Variants in HLA-DQA1 observed in about 807,000 individuals in gnomAD.
The protein encoded by HLA-DQA1 is major histocompatibility complex, class II, DQ alpha 1.
In HLA-DQA1, 10 loss-of-function variants were observed where a neutral mutation model predicts 20.7. The observed-to-expected ratio is 0.48, with a 90% CI of 0.30 to 0.82. The LOEUF (loss-of-function observed/expected upper bound fraction) is 0.82, where lower values mean the gene tolerates loss of function less well. Among genes scored for constraint, HLA-DQA1 ranks in the 40% least tolerant of loss-of-function variants. HLA-DQA1 has a pLI of 0.07. For missense variants in HLA-DQA1, 127 were observed against 293.0 expected (o/e 0.43, Z 4.14); for synonymous variants, 39 against 109.2 (o/e 0.36, Z 4.01).
intron 1 of HLA-DQA1, chr6:32,638,820 AT>A (rs34310302): frequency 0.19 from 25,067 of 133,702 alleles, 6,949 homozygotes; most frequent in Non-Finnish European, 0.22. Flanking sequence ...GGAAGCACAG[AT>A]TAATTATTTG....
chr6:32,640,819 A>ATTCT (rs1262934935), intron 1 of HLA-DQA1, among the ~76,000 whole-genome samples: 20,776 of 87,862 alleles, frequency 0.24, 3,956 homozygotes, highest in East Asian at 0.31. Context: ...CTTTAAAAAA[A>ATTCT]AAAAAAAGAA....
At chr6:32,640,795 C>A (rs1781326497) in intron 1 of HLA-DQA1, among the ~76,000 whole-genome samples, 1 of 63,338 alleles carries the variant, frequency 1.6e-5, no homozygotes. Context: ...TTAATAAGAT[C>A]CTGCATGCTT....
chr6:32,643,944 C>G (rs1372455815), downstream of HLA-DQA1: 5 of 151,742 alleles, frequency 3.3e-5, no homozygotes, highest in African/African-American at 9.7e-5. Flanking sequence ...CTGAATGAAG[C>G]TGTACTAGAT....
At chr6:32,649,728 A>C (rs1398759936), downstream of HLA-DQA1, among the ~76,000 whole-genome samples, 2 of 96,234 alleles carry the variant, frequency 2.1e-5, 1 homozygote, top group Non-Finnish European at 4.6e-5. Context: ...TAAAACCATA[A>C]AAACCCCAGA....
chr6:32,652,453 A>G, the HLA-DQA1 span, among the ~76,000 whole-genome samples: 1 of 151,666 alleles, frequency 6.6e-6, no homozygotes, highest in Non-Finnish European at 1.5e-5. Flanking sequence ...ATGGGAAGGT[A>G]AAGAATCCAG....
At chr6:32,649,134 G>A (rs575583209), downstream of HLA-DQA1, among the ~76,000 whole-genome samples, 2 of 96,206 alleles carry the variant, frequency 2.1e-5, 1 homozygote, top group African/African-American at 7.2e-5. Context: ...AATAAAAGAG[G>A]ACACAAACAA....
intron 1 of HLA-DQA1, among the ~76,000 whole-genome samples, chr6:32,638,617 C>T (rs28630828): frequency 0.042 from 4,169 of 100,110 alleles, 1,159 homozygotes; most frequent in Admixed American, 0.076. Flanking sequence ...GCGGAAGCTG[C>T]AGTGAGCCAT....
chr6:32,646,220 A>T (rs9273238), downstream of HLA-DQA1: 1 of 138,128 alleles, frequency 7.2e-6, no homozygotes, highest in Admixed American at 7.7e-5. Context: ...ATTTCAGATT[A>T]CACACATAAA....
intron 1 of HLA-DQA1, among the ~76,000 whole-genome samples, chr6:32,641,081 C>T (rs4455710): frequency 0.21 from 21,284 of 99,000 alleles, 5,554 homozygotes; most frequent in Admixed American, 0.23. Context: ...ATTGGACATG[C>T]GATATTCTGC....
chr6:32,642,654 G>A lies in HLA-DQA1; in HGVS notation c.658G>A (p.Val220Ile), dbSNP rs1288968536. Residue 220 changes from valine (V) to isoleucine (I), a missense_variant, in exon 4 of 5, where the codon GTC becomes ATC. Coordinates refer to ENST00000343139, the MANE Select transcript of HLA-DQA1 (RefSeq NM_002122.5). ...TATGTCAGAGCTCACAGAGACTGTG[G>A]TCTGTGCCCTGGGGTTGTCTGTGGG... ...APMSELTETV[V>I]CALGLSVGLM... is the part of the protein sequence containing the mutation. 3 of 1,337,490 alleles carry A rather than the reference G, an allele frequency of 2.2e-6. No homozygotes were observed. The highest frequency in any genetic ancestry group is 1.2e-5 in the South Asian group (1 of 83,772). 82.9% of individuals were successfully genotyped at this position (1,337,490 alleles called of 1,614,324 possible).
At chr6:32,641,175 G>C (rs1190393699) in intron 1 of HLA-DQA1, 135 bp from the exon 2 acceptor site, 1 of 592,494 alleles carries the variant, frequency 1.7e-6, no homozygotes, top group Non-Finnish European at 2.8e-6. Context: ...GGAAGCAGGG[G>C]CTGGAAATGT....
In HLA-DQA1 at chr6:32,642,997, C is replaced by T. The variant is rs9272881; in HGVS notation, c.*66C>T. ...GCAGAAGAATGGACTTGCTAAATGACCTAGCACTATTCTCTGGCCCGATTT... is the reference window on the plus strand; with the variant it reads ...GCAGAAGAATGGACTTGCTAAATGATCTAGCACTATTCTCTGGCCCGATTT... On this transcript the variant is annotated 3_prime_UTR_variant, in exon 5 of 5. Transcript: ENST00000343139. 43 of 449,410 alleles carry T rather than the reference C, an allele frequency of 9.6e-5. 15 individuals carry two copies. The East Asian group carries it at 1.8e-3, about 19-fold the overall frequency. The allele number at this position is 449,410 out of a possible 1,614,324, so 27.8% of individuals were successfully genotyped here.
At chr6:32,652,744 TTTCA>T in the HLA-DQA1 span, among the ~76,000 whole-genome samples, 955 of 31,402 alleles carry the variant, frequency 0.03, 37 homozygotes, top group East Asian at 0.26. Flanking sequence ...TGTCAATAAC[TTTCA>T]TCTTCTAAGA....
chr6:32,642,574 C>T (rs1160882487), intron 3 of HLA-DQA1, 36 bp from the exon 4 acceptor site: 4 of 1,392,920 alleles, frequency 2.9e-6, no homozygotes, highest in Non-Finnish European at 4.0e-6. Context: ...CATGAGCACA[C>T]TCTGCATTCT....
downstream of HLA-DQA1, among the ~76,000 whole-genome samples, chr6:32,647,839 G>C (rs889525076): frequency 3.3e-5 from 5 of 151,754 alleles, no homozygotes; most frequent in African/African-American, 1.2e-4. Context: ...TGGTCATGGA[G>C]TACCATTATA....
the HLA-DQA1 span, among the ~76,000 whole-genome samples, chr6:32,655,261 T>TTTTTTATTTTTTTAATTTG: frequency 0.085 from 12,094 of 141,558 alleles, 558 homozygotes; most frequent in South Asian, 0.11. Context: ...AGTTTTCTGT[T>TTTTTTATTTTTTTAATTTG]TTTTAAAATC....
intron 1 of HLA-DQA1, chr6:32,639,134 A>T: frequency 4.4e-6 from 1 of 229,228 alleles, no homozygotes; most frequent in Non-Finnish European, 8.7e-6. Flanking sequence ...TCCTTTCTTC[A>T]ACCTCACACC....
chr6:32,642,252 G>A lies in HLA-DQA1; in HGVS notation c.612G>A (p.Trp204Ter), dbSNP rs756288178. ...WGLDQPLLKH[W>*]EPEIPAPMSE... ...TGGACCAGCCTCTTCTGAAACACTG[G>A]GGTAAGGATGAGTTTCATCATTTTT... The change falls in exon 3 of 5, where the codon TGG becomes TGA. Residue 204 changes from tryptophan (W) to a stop codon, truncating the protein, a stop_gained and splice_region_variant. Transcript: ENST00000343139. LOFTEE classifies it high-confidence loss of function. 4 of 1,365,570 alleles carry A rather than the reference G, an allele frequency of 2.9e-6. No individual in the cohort carries two copies. In the African/African-American group the frequency reaches 6.7e-5, roughly 23 times the overall value. 84.6% of individuals were successfully genotyped at this position (1,365,570 alleles called of 1,614,324 possible).
the HLA-DQA1 span, among the ~76,000 whole-genome samples, chr6:32,653,988 G>A: frequency 1.5e-3 from 156 of 103,150 alleles, no homozygotes; most frequent in African/African-American, 2.1e-3. Context: ...AGGGCGACAA[G>A]GAGGAATGAG....
Sources: allele counts gnomAD v4.1 joint callset (sites outside exome capture counted in the v4.1 genomes callset), GRCh38; gene constraint gnomAD v4.1.1; transcripts MANE v1.5; gene names NCBI Gene and HGNC (gene_info 2026-07-23, HGNC 2026-07-21).